The following SOX5 variants were observed in gnomAD, a reference collection of about 807,000 sequenced individuals.
The protein encoded by SOX5 is transcription factor SOX-5.
A neutral mutation model predicts 92.0 loss-of-function variants in SOX5; 9 were observed. That is an observed-to-expected ratio of 0.10 (90% confidence interval 0.06 to 0.17). The LOEUF is 0.17. SOX5 is among the 10% of genes least tolerant of loss of function. The pLI, the probability that SOX5 is intolerant of heterozygous loss-of-function variation, is 1.00. For missense variants in SOX5, 642 were observed against 944.5 expected, an observed-to-expected ratio of 0.68 and a Z score of 4.20; for synonymous variants, 344 against 336.3, an observed-to-expected ratio of 1.02 and a Z score of -0.25.
At chr12:23,701,150 T>A (rs1358378995) in intron 6 of SOX5, among the ~76,000 whole-genome samples, 11 of 152,070 alleles carry the variant, frequency 7.2e-5, no homozygotes, top group African/African-American at 2.7e-4. Flanking sequence ...TTCTTAGTTA[T>A]AACCCTTAAT....
At chr12:23,942,967 C>A (rs1285566611) in intron 1 of SOX5, among the ~76,000 whole-genome samples, 1 of 152,060 alleles carries the variant, frequency 6.6e-6, no homozygotes, top group Non-Finnish European at 1.5e-5. Context: ...AAAGTTTCAA[C>A]GGATTTGCTG....
chr12:23,780,595 C>A (rs184097787), intron 3 of SOX5, among the ~76,000 whole-genome samples: 18 of 151,856 alleles, frequency 1.2e-4, no homozygotes, highest in African/African-American at 4.3e-4. Context: ...TATTTTAAAC[C>A]AGTAGATTTA....
chr12:23,538,887 A>G (rs12309508), intron 13 of SOX5, among the ~76,000 whole-genome samples: 29,530 of 136,376 alleles, frequency 0.22, 3,735 homozygotes, highest in African/African-American at 0.37. Flanking sequence ...TGCAAGCTCC[A>G]CCTCCCGGAT....
chr12:23,712,692 A>G (rs1163470817), intron 6 of SOX5, among the ~76,000 whole-genome samples: 1 of 152,224 alleles, frequency 6.6e-6, no homozygotes, highest in Non-Finnish European at 1.5e-5. Flanking sequence ...TATAGACTAT[A>G]TCATTCAATA....
At chr12:24,157,411 A>G (rs760740384) in intron 4 of SOX5, among the ~76,000 whole-genome samples, 5 of 152,146 alleles carry the variant, frequency 3.3e-5, no homozygotes, top group Non-Finnish European at 7.4e-5. Context: ...TTAAAACAAT[A>G]ATTAAACAAA....
At chr12:23,696,177 A>T (rs1208760998) in intron 6 of SOX5, among the ~76,000 whole-genome samples, 2 of 151,954 alleles carry the variant, frequency 1.3e-5, no homozygotes, top group African/African-American at 4.8e-5. Context: ...CTTCTTCTAC[A>T]TTCTGAAAGT....
At chr12:23,948,127 G>C (rs1479598253) in intron 1 of SOX5, among the ~76,000 whole-genome samples, 1 of 151,184 alleles carries the variant, frequency 6.6e-6, no homozygotes, top group Non-Finnish European at 1.5e-5. Context: ...ACTAATTAAA[G>C]AGTTAATATA....
intron 4 of SOX5, among the ~76,000 whole-genome samples, chr12:24,060,494 A>AT (rs907931925): frequency 6.6e-6 from 1 of 152,154 alleles, no homozygotes; most frequent in African/African-American, 2.4e-5. Context: ...AAGTTCTTAC[A>AT]TTTTTTAAGT....
At chr12:23,838,160 A>T (rs574920352) in intron 3 of SOX5, among the ~76,000 whole-genome samples, 1,537 of 142,634 alleles carry the variant, frequency 0.011, 25 homozygotes, top group African/African-American at 0.037. Context: ...ATATTTATAT[A>T]ATATATATTT....
Position 23,573,917 on chromosome 12 carries a change from A to C in SOX5, c.1342+1744T>G, listed in dbSNP as rs988673511. On this transcript the variant is annotated intron_variant, in intron 10 of 14. Transcript: ENST00000451604. ...AAATGTTAAACAATAAATAATAATA[A>C]ATGAGACAGTAAATATTGGTTGTTT... Among the ~76,000 whole-genome samples, 10 of 152,160 alleles carry C rather than the reference A, an allele frequency of 6.6e-5. No homozygotes were observed. The East Asian group carries it at 1.9e-3, about 29-fold the overall frequency.
chr12:24,461,502 G>T (rs902769219), intron 1 of SOX5, among the ~76,000 whole-genome samples: 3 of 152,108 alleles, frequency 2.0e-5, no homozygotes, highest in African/African-American at 4.8e-5. Flanking sequence ...ACACACTAAT[G>T]AATTAACTTC....
chr12:23,816,685 C>T (rs1387691345), intron 3 of SOX5, among the ~76,000 whole-genome samples: 1 of 152,088 alleles, frequency 6.6e-6, no homozygotes, highest in Non-Finnish European at 1.5e-5. Flanking sequence ...CAGCAGGCAA[C>T]TGAGCATTGT....
intron 2 of SOX5, among the ~76,000 whole-genome samples, chr12:23,878,609 T>C (rs1314989856): frequency 1.3e-5 from 2 of 152,086 alleles, no homozygotes; most frequent in Non-Finnish European, 2.9e-5. Flanking sequence ...CTTGTCTTTT[T>C]AAATAAGTAT....
intron 9 of SOX5, among the ~76,000 whole-genome samples, chr12:23,592,677 G>C (rs1951733736): frequency 6.6e-6 from 1 of 152,138 alleles, no homozygotes; most frequent in Non-Finnish European, 1.5e-5. Context: ...ACCATTGAGA[G>C]TGCATGTTTC....
intron 4 of SOX5, among the ~76,000 whole-genome samples, chr12:24,132,760 C>G (rs1949767834): frequency 1.3e-5 from 2 of 152,006 alleles, no homozygotes; most frequent in African/African-American, 2.4e-5. Context: ...GAAAACACGA[C>G]AGAACTCATA....
intron 6 of SOX5, among the ~76,000 whole-genome samples, chr12:23,722,746 A>G (rs982446449): frequency 2.0e-5 from 3 of 152,180 alleles, no homozygotes; most frequent in Admixed American, 2.0e-4. Flanking sequence ...TATTTTGAAC[A>G]TGCCAAAGCA....
intron 4 of SOX5, among the ~76,000 whole-genome samples, chr12:23,979,907 G>GACAGACAGACAGACAGACAGACA (rs1432149664): frequency 8.1e-5 from 1 of 12,292 alleles, no homozygotes; most frequent in African/African-American, 1.5e-4. Context: ...CTGGCTGGCT[G>GACAGACAGACAGACAGACAGACA]GCTGGCCAGA....
At chr12:24,500,011 C>G (rs1355809466) in intron 1 of SOX5, among the ~76,000 whole-genome samples, 3 of 152,120 alleles carry the variant, frequency 2.0e-5, no homozygotes, top group Non-Finnish European at 4.4e-5. Context: ...CCTCAGGCCT[C>G]AAATTCTTTC....
chr12:23,650,999 T>C (rs1393135293), intron 7 of SOX5, among the ~76,000 whole-genome samples: 1 of 151,968 alleles, frequency 6.6e-6, no homozygotes, highest in Non-Finnish European at 1.5e-5. Flanking sequence ...GATAACTGAT[T>C]TGATGAAGTA....
Sources: gnomAD v4.1 joint callset for allele counts (sites outside exome capture counted in the v4.1 genomes callset) on GRCh38, gnomAD v4.1.1 for gene constraint, MANE v1.5 for transcripts, NCBI Gene and HGNC (gene_info 2026-07-23, HGNC 2026-07-21) for gene names.